Variants in TIAM2 observed in about 807,000 individuals in gnomAD.
The protein encoded by TIAM2 is rho guanine nucleotide exchange factor TIAM2.
TIAM2 carries 80 observed loss-of-function variants against 152.9 expected under a neutral mutation model. That is an observed-to-expected ratio of 0.52 (90% CI 0.44 to 0.63). The LOEUF (loss-of-function observed/expected upper bound fraction) is 0.63, where lower values mean the gene tolerates loss of function less well. TIAM2 is among the 30% of genes least tolerant of loss of function. The pLI, the probability that TIAM2 is intolerant of heterozygous loss-of-function variation, is 0.00. For missense variants in TIAM2, 1,965 were observed against 2,120.1 expected (o/e 0.93, Z 1.44); for synonymous variants, 804 against 838.0 (o/e 0.96, Z 0.70).
intron 2 of TIAM2, among the ~76,000 whole-genome samples, chr6:155,105,983 A>ATTTAT (rs148796945): frequency 0.061 from 8,628 of 140,502 alleles, 852 homozygotes; most frequent in African/African-American, 0.21. Context: ...GGGTATTTTT[A>ATTTAT]TTTATTTTAT....
In TIAM2 at chr6:155,253,838, A is replaced by C. The variant is rs1783830459; in HGVS notation, c.4226-135A>C. 1.1e-5 allele frequency: 7 copies of C among 641,656 alleles called. No individual in the cohort carries two copies. The South Asian group carries it at 1.6e-4, about 15-fold the overall frequency. 39.7% of individuals were successfully genotyped at this position (641,656 alleles called of 1,614,324 possible). ...AACTGTGAAAATCATACATAGAACA[A>C]GCCACAGAAGAAAATGAGCCAGGAC... On this transcript the variant is annotated intron_variant, in intron 24 of 26. Transcript: ENST00000682666.
intron 1 of TIAM2, among the ~76,000 whole-genome samples, chr6:155,053,724 G>A (rs542135166): frequency 6.6e-6 from 1 of 152,204 alleles, no homozygotes; most frequent in Admixed American, 6.5e-5. Context: ...GCCTGCCTCA[G>A]CTTCCCAAAG....
chr6:155,061,654 TAC>T (rs1777581853), intron 1 of TIAM2, among the ~76,000 whole-genome samples: 1 of 152,168 alleles, frequency 6.6e-6, no homozygotes, highest in Non-Finnish European at 1.5e-5. Context: ...ATTTTTAGCT[TAC>T]AGTGTCCAGT....
intron 15 of TIAM2, among the ~76,000 whole-genome samples, chr6:155,235,267 C>T (rs1782696154): frequency 6.6e-6 from 1 of 152,188 alleles, no homozygotes; most frequent in Non-Finnish European, 1.5e-5. Flanking sequence ...GCAATTTTAG[C>T]AGTTACTTGA....
chr6:155,181,397 T>G (rs991613152), intron 12 of TIAM2, among the ~76,000 whole-genome samples: 4 of 152,240 alleles, frequency 2.6e-5, no homozygotes, highest in Non-Finnish European at 4.4e-5. Flanking sequence ...TTTGTTGTAT[T>G]GAACTGAATT....
At chr6:155,243,846 CAAAAAAAAAAAAAA>C (rs59365890) in intron 16 of TIAM2, among the ~76,000 whole-genome samples, 151 bp from the exon 17 acceptor site, 17 of 55,056 alleles carry the variant, frequency 3.1e-4, no homozygotes, top group African/African-American at 6.5e-4. Flanking sequence ...GACTCCGTCT[CAAAAAAAAAAAAAA>C]AAAAAAAAAA....
chr6:155,188,157 C>T (rs1397582934), intron 14 of TIAM2, among the ~76,000 whole-genome samples: 1 of 152,220 alleles, frequency 6.6e-6, no homozygotes, highest in Non-Finnish European at 1.5e-5. Context: ...TTGTGTGTCC[C>T]AAACCTCCAC....
At chr6:155,102,036 A>G (rs1377577277) in intron 2 of TIAM2, among the ~76,000 whole-genome samples, 1 of 150,830 alleles carries the variant, frequency 6.6e-6, no homozygotes. Flanking sequence ...TTTGTCGCCC[A>G]GGCTGGAGTA....
chr6:155,063,598 A>G (rs1311756992), intron 1 of TIAM2, among the ~76,000 whole-genome samples: 1 of 152,254 alleles, frequency 6.6e-6, no homozygotes, highest in East Asian at 1.9e-4. Context: ...CCTGGCCAAC[A>G]TGGTGAAACC....
chr6:155,160,732 A>G (rs1480659032), intron 7 of TIAM2, among the ~76,000 whole-genome samples: 1 of 152,094 alleles, frequency 6.6e-6, no homozygotes, highest in East Asian at 1.9e-4. Context: ...CTGCATCCCC[A>G]GCTGGGGTAT....
At chr6:155,250,225 G>C (rs1212549483) in intron 21 of TIAM2, among the ~76,000 whole-genome samples, 2 of 151,976 alleles carry the variant, frequency 1.3e-5, no homozygotes, top group African/African-American at 4.8e-5. Context: ...GCTGGCAGAG[G>C]GTGGGGTGGA....
At chr6:155,185,419 G>T (rs954863874) in intron 14 of TIAM2, among the ~76,000 whole-genome samples, 1 of 151,828 alleles carries the variant, frequency 6.6e-6, no homozygotes, top group Admixed American at 6.6e-5. Context: ...AAGCAACCGC[G>T]CCCGGCTGTT....
intron 15 of TIAM2, among the ~76,000 whole-genome samples, chr6:155,234,488 G>C (rs1032019281): frequency 6.6e-6 from 1 of 152,154 alleles, no homozygotes; most frequent in Admixed American, 6.5e-5. Context: ...GGATAGTCTT[G>C]ACCTCCTGGG....
At chr6:155,224,512 G>C (rs575631173) in intron 15 of TIAM2, among the ~76,000 whole-genome samples, 1 of 152,296 alleles carries the variant, frequency 6.6e-6, no homozygotes, top group Admixed American at 6.5e-5. Context: ...TCCGTCTCCT[G>C]CTGTCTTGAT....
intron 22 of TIAM2, 140 bp downstream of exon 22, chr6:155,251,161 C>A: frequency 1.4e-6 from 1 of 694,920 alleles, no homozygotes; most frequent in Non-Finnish European, 2.5e-6. Context: ...ACAGGGCCAG[C>A]CCCCAACTAT....
Position 155,250,962 on chromosome 6 carries a change from G to T in TIAM2, c.4001G>T (p.Trp1334Leu). The T allele has an allele frequency of 6.2e-7, 1 of 1,614,164 alleles. No individual in the cohort carries two copies. Among genetic ancestry groups the T allele is most frequent in the Non-Finnish European group, 8.5e-7 (1 of 1,180,026 alleles). The change falls in exon 22 of 27, where the codon TGG becomes TTG. Residue 1334 changes from tryptophan to leucine, a missense_variant. Around this residue, in one of 3 missense-constraint regions of TIAM2, gnomAD observed 935 missense variants for 980.0 expected, o/e 0.95. Transcript: ENST00000682666. The stretch of plus-strand genomic sequence containing the variant: ...CTTCTGATGCACTCTACGGTTTCCT[G>T]GTTGAATCCATTTCTGTCTCTAGGA... ...GELLMHSTVS[W>L]LNPFLSLGKA...
intron 1 of TIAM2, among the ~76,000 whole-genome samples, chr6:155,028,334 A>AAT (rs201351240): frequency 0.2 from 14,241 of 69,470 alleles, 3,608 homozygotes; most frequent in African/African-American, 0.43. Context: ...TACTACATAT[A>AAT]ATATATACTG....
chr6:155,217,089 AT>A, intron 15 of TIAM2: 3 of 1,289,584 alleles, frequency 2.3e-6, no homozygotes, highest in Non-Finnish European at 3.0e-6. Flanking sequence ...TATGTACAGC[AT>A]GTAAGTAAAC....
At chr6:155,011,291 A>G (rs1328045538) in intron 1 of TIAM2, among the ~76,000 whole-genome samples, 1 of 152,126 alleles carries the variant, frequency 6.6e-6, no homozygotes, top group Non-Finnish European at 1.5e-5. Context: ...ACAGGCGATC[A>G]TTTAATCTGT....
Sources: allele counts gnomAD v4.1 joint callset (sites outside exome capture counted in the v4.1 genomes callset), GRCh38; gene constraint gnomAD v4.1.1; regional missense constraint gnomAD v4.1.1; transcripts MANE v1.5; gene names NCBI Gene and HGNC (gene_info 2026-07-23, HGNC 2026-07-21).